Variants in PRKCE observed in about 807,000 individuals in gnomAD.
The protein encoded by PRKCE is protein kinase C epsilon.
Under a neutral mutation model 85.4 loss-of-function variants are expected in PRKCE, and 16 were observed. The observed-to-expected ratio is 0.19, with a 90% CI of 0.13 to 0.28. The LOEUF (loss-of-function observed/expected upper bound fraction) is 0.28. PRKCE is among the 10% of genes least tolerant of loss of function. PRKCE has a pLI of 1.00. For missense variants in PRKCE, 573 were observed against 975.2 expected (o/e 0.59, Z 5.49); for synonymous variants, 388 against 371.5 (o/e 1.04, Z -0.51).
chr2:45,668,389 A>G (rs1379117677), intron 1 of PRKCE, among the ~76,000 whole-genome samples: 5 of 152,200 alleles, frequency 3.3e-5, no homozygotes, highest in African/African-American at 7.2e-5. Flanking sequence ...CTATTGTAAA[A>G]TATAAATTGT....
intron 6 of PRKCE, among the ~76,000 whole-genome samples, chr2:45,985,758 A>G (rs1463316870): frequency 6.6e-6 from 1 of 152,180 alleles, no homozygotes; most frequent in Non-Finnish European, 1.5e-5. Context: ...ATTCACTGAG[A>G]TGGGGATACA....
intron 2 of PRKCE, among the ~76,000 whole-genome samples, chr2:45,860,858 GC>G (rs1342035157): frequency 1.3e-5 from 2 of 152,100 alleles, no homozygotes; most frequent in Non-Finnish European, 2.9e-5. Flanking sequence ...GAAAGCCTCG[GC>G]CCCTCCCCAT....
chr2:45,950,837 G>T (rs113120664), intron 2 of PRKCE, among the ~76,000 whole-genome samples: 25 of 152,220 alleles, frequency 1.6e-4, no homozygotes, highest in African/African-American at 6.0e-4. Context: ...GGGAGTACTG[G>T]TGTTCCTAGA....
chr2:45,926,296 G>T (rs374592029), intron 2 of PRKCE, among the ~76,000 whole-genome samples: 79 of 152,344 alleles, frequency 5.2e-4, no homozygotes, highest in African/African-American at 1.9e-3. Flanking sequence ...GGGGGAATCA[G>T]TGCTTTGTTT....
chr2:46,054,275 G>C (rs985142458), intron 10 of PRKCE, among the ~76,000 whole-genome samples: 1 of 152,200 alleles, frequency 6.6e-6, no homozygotes, highest in Non-Finnish European at 1.5e-5. Flanking sequence ...GGGCAGTGTG[G>C]CTATGGGAGT....
rs138436884 is a variant in PRKCE at position 46,041,769 on chromosome 2, T to C, written c.1437+31252T>C. Among the ~76,000 whole-genome samples the C allele has an allele frequency of 3.8e-3, 584 of 152,356 alleles. 3 individuals carry two copies. Among genetic ancestry groups the C allele is most frequent in the African/African-American group, 0.014 (563 of 41,582 alleles). On this transcript the variant is annotated intron_variant, in intron 10 of 14. Transcript: ENST00000306156. The surrounding 1 kb of genome is among the most constrained non-coding windows in gnomAD (Gnocchi z 5.5). ...TTACATTAGATTGTTTAATTAAATT[T>C]AAAATTCTTTAAGCTGGAGGAATTT...
At chr2:46,047,562 C>T (rs545204106) in intron 10 of PRKCE, among the ~76,000 whole-genome samples, 5 of 152,186 alleles carry the variant, frequency 3.3e-5, no homozygotes, top group East Asian at 1.9e-4. Flanking sequence ...TTGGAGATCA[C>T]GGTAAAACTC....
At chr2:45,894,627 A>G (rs1043410852) in intron 2 of PRKCE, among the ~76,000 whole-genome samples, 4 of 152,076 alleles carry the variant, frequency 2.6e-5, no homozygotes, top group African/African-American at 9.7e-5. Context: ...TTGACGGTGC[A>G]TGTGAAACAT....
intron 1 of PRKCE, among the ~76,000 whole-genome samples, chr2:45,809,872 C>A (rs1688530094): frequency 6.7e-6 from 1 of 149,284 alleles, no homozygotes; most frequent in African/African-American, 2.5e-5. Flanking sequence ...AAGAGTGAGA[C>A]TCCATCTCAA....
chr2:45,889,606 G>A (rs1695565469), intron 2 of PRKCE, among the ~76,000 whole-genome samples: 1 of 152,172 alleles, frequency 6.6e-6, no homozygotes, highest in Non-Finnish European at 1.5e-5. Context: ...AAATCTGAGT[G>A]TACACCTCTG....
intron 11 of PRKCE, among the ~76,000 whole-genome samples, chr2:46,096,888 G>A (rs1670738303): frequency 6.6e-6 from 1 of 152,124 alleles, no homozygotes; most frequent in Non-Finnish European, 1.5e-5. Flanking sequence ...AAATAAGAGG[G>A]CAAGGCCTGC....
chr2:45,690,682 C>T lies in PRKCE; in HGVS notation c.348+38234C>T, dbSNP rs138523523. Among the ~76,000 whole-genome samples the T allele has an allele frequency of 2.2e-4, 33 of 152,260 alleles. No homozygotes were observed. In the East Asian group the frequency reaches 4.8e-3, roughly 22 times the overall value. On this transcript the variant is annotated intron_variant, in intron 1 of 14. Coordinates refer to ENST00000306156, the MANE Select transcript of PRKCE (RefSeq NM_005400.3). Reference sequence around the variant, plus strand: ...CTCTTAAAGAGAAGGCTGTGTATATCGTGTGGGAGCTGGAAGAAAGGGAGT... The same window carrying T: ...CTCTTAAAGAGAAGGCTGTGTATATTGTGTGGGAGCTGGAAGAAAGGGAGT...
rs1171823895 is a variant in PRKCE, at chr2:45,905,654, C to T, written c.412+62591C>T. On this transcript the variant is annotated intron_variant, in intron 2 of 14. Coordinates refer to ENST00000306156, the MANE Select transcript of PRKCE (RefSeq NM_005400.3). This position sits in a 1 kb window ranked among gnomAD's most constrained non-coding sequence, Gnocchi z 4.4. Reference sequence around the variant, plus strand: ...GGCTGAGGGCTGGCCGGGGCCCTAGCTGGGGAACCTCTGATGCTGGGAGGG... The same window carrying T: ...GGCTGAGGGCTGGCCGGGGCCCTAGTTGGGGAACCTCTGATGCTGGGAGGG... 1.3e-5 allele frequency among the ~76,000 whole-genome samples: 2 copies of T among 152,188 alleles called. No homozygotes were observed. Among genetic ancestry groups the T allele is most frequent in the Non-Finnish European group, 2.9e-5 (2 of 68,034 alleles).
intron 14 of PRKCE, among the ~76,000 whole-genome samples, chr2:46,173,406 G>A (rs919039978): frequency 2.0e-5 from 3 of 152,192 alleles, no homozygotes; most frequent in Non-Finnish European, 2.9e-5. Flanking sequence ...CCAGGGGTGG[G>A]AACCCCATTT....
chr2:46,141,847 G>T (rs111809478), intron 11 of PRKCE, among the ~76,000 whole-genome samples: 2 of 152,206 alleles, frequency 1.3e-5, no homozygotes, highest in South Asian at 2.1e-4. Context: ...CTTGCTACAC[G>T]CCTGGCCATG....
intron 1 of PRKCE, among the ~76,000 whole-genome samples, chr2:45,723,878 C>G (rs34548923): frequency 0.12 from 18,837 of 152,224 alleles, 1,414 homozygotes; most frequent in Non-Finnish European, 0.16. Context: ...GCTGGGATTA[C>G]AAAGGTGAGC....
intron 1 of PRKCE, among the ~76,000 whole-genome samples, chr2:45,792,742 T>G (rs1391845732): frequency 6.6e-6 from 1 of 152,196 alleles, no homozygotes; most frequent in Non-Finnish European, 1.5e-5. Flanking sequence ...AGATAATGCT[T>G]ATTGTAAAAG....
In PRKCE at chr2:46,159,237, C is replaced by G. The variant is rs1677516863; in HGVS notation, c.1921-369C>G. Among the ~76,000 whole-genome samples, 1 of 152,206 alleles carries G rather than the reference C, an allele frequency of 6.6e-6. No homozygotes were observed. ...AGACCTGAGAATCTGAGGGGGATCA[C>G]AGAGTCAGTAAGAGCCAGAGTGCAT... On this transcript the variant is annotated intron_variant, in intron 13 of 14. Transcript: ENST00000306156. This position sits in a 1 kb window ranked among gnomAD's most constrained non-coding sequence, Gnocchi z 4.1.
intron 10 of PRKCE, among the ~76,000 whole-genome samples, chr2:46,079,331 A>G (rs527697433): frequency 4.6e-5 from 7 of 152,326 alleles, no homozygotes; most frequent in South Asian, 4.1e-4. Context: ...GATTGGATAC[A>G]GGAGAGTTTA....
Sources: gnomAD v4.1 joint callset for allele counts (sites outside exome capture counted in the v4.1 genomes callset) on GRCh38, gnomAD v4.1.1 for gene constraint, Gnocchi (gnomAD v3.1) non-coding constraint, MANE v1.5 for transcripts, NCBI Gene and HGNC (gene_info 2026-07-23, HGNC 2026-07-21) for gene names.